B3GAT2: variants seen among roughly 807,000 people sequenced by gnomAD.
B3GAT2 encodes beta-1,3-glucuronyltransferase 2, also known as galactosylgalactosylxylosylprotein 3-beta-glucuronosyltransferase 2.
B3GAT2 carries 26 observed loss-of-function variants against 27.8 expected under a neutral mutation model. The observed-to-expected ratio is 0.93, with a 90% CI of 0.68 to 1.30. The LOEUF (loss-of-function observed/expected upper bound fraction) is 1.30. Ranked by LOEUF, B3GAT2 falls within the 50% of genes most tolerant of loss-of-function variation. B3GAT2 has a pLI of 0.00. For synonymous variants in B3GAT2, 218 were observed against 195.1 expected (o/e 1.12, Z -0.98); for missense variants, 458 against 459.0 (o/e 1.00, Z 0.02).
intron 1 of B3GAT2, 87 bp downstream of exon 1, chr6:70,955,752 G>C (rs980891307): frequency 7.2e-7 from 1 of 1,386,666 alleles, no homozygotes. Context: ...AGTGCACCCG[G>C]AGTGCAAGGG....
Position 70,955,945 on chromosome 6 carries a change from G to A in B3GAT2, c.485C>T (p.Ala162Val), listed in dbSNP as rs1765647733. The change falls in exon 1 of 4, where the codon GCG becomes GTG. Residue 162 changes from alanine (A) to valine (V), a missense_variant. By Grantham distance (64) the Ala-to-Val change is moderately conservative (BLOSUM62 0). Coordinates refer to ENST00000230053, the MANE Select transcript of B3GAT2 (RefSeq NM_080742.3). ...CCTCTGGCGCAGCCAGGCGAGGCCC[G>A]CGTTGCGCTGCTCAGTGGCGCGCGG... ...GLPRATEQRNAGLAWLRQRHQ... is the reference protein window; with the variant it reads ...GLPRATEQRNVGLAWLRQRHQ... The A allele has an allele frequency of 1.3e-6, 2 of 1,572,122 alleles. No individual in the cohort carries two copies. The highest frequency in any genetic ancestry group is 1.7e-6 in the Non-Finnish European group (2 of 1,161,380).
At chr6:70,951,726 A>T (rs1765580778) in intron 1 of B3GAT2, among the ~76,000 whole-genome samples, 1 of 152,208 alleles carries the variant, frequency 6.6e-6, no homozygotes, top group Non-Finnish European at 1.5e-5. Context: ...CCTAACATTT[A>T]TAGCCTAAGA....
At position 70,901,844 on chromosome 6, in the gene B3GAT2, A is replaced by C. The variant is rs535195957; in HGVS notation, c.592-7572T>G. ...TGGAGGCAGTATTGTTCTATGTATG[A>C]AAACAGGGAATGTTCCTAAATATTT... is the stretch of plus-strand genomic sequence containing the variant. On this transcript the variant is annotated intron_variant, in intron 1 of 3. Coordinates refer to ENST00000230053, the MANE Select transcript of B3GAT2 (RefSeq NM_080742.3). Among the ~76,000 whole-genome samples, 13 of 152,306 alleles carry C rather than the reference A, an allele frequency of 8.5e-5. No individual in the cohort carries two copies. In the South Asian group the frequency reaches 2.7e-3, roughly 32 times the overall value.
intron 2 of B3GAT2, among the ~76,000 whole-genome samples, chr6:70,874,067 T>C: frequency 6.6e-6 from 1 of 152,184 alleles, no homozygotes; most frequent in East Asian, 1.9e-4. Flanking sequence ...TCAGGGACAG[T>C]TTCTATCAAC....
chr6:70,951,060 C>A (rs1765571961), intron 1 of B3GAT2, among the ~76,000 whole-genome samples: 1 of 151,988 alleles, frequency 6.6e-6, no homozygotes, highest in African/African-American at 2.4e-5. Context: ...AATTTGAGCT[C>A]CATGCAAAAC....
At chr6:70,945,323 G>GA (rs1765462427) in intron 1 of B3GAT2, among the ~76,000 whole-genome samples, 1 of 152,056 alleles carries the variant, frequency 6.6e-6, no homozygotes, top group African/African-American at 2.4e-5. Context: ...TAAAAACTTT[G>GA]AAAAAAATTT....
intron 1 of B3GAT2, among the ~76,000 whole-genome samples, chr6:70,919,457 T>C (rs144454593): frequency 6.6e-6 from 1 of 152,352 alleles, no homozygotes; most frequent in African/African-American, 2.4e-5. Flanking sequence ...GGCGAGGAGT[T>C]GTGATCCTTG....
chr6:70,936,321 A>G (rs1369373368), intron 1 of B3GAT2, among the ~76,000 whole-genome samples: 1 of 152,046 alleles, frequency 6.6e-6, no homozygotes, highest in Non-Finnish European at 1.5e-5. Flanking sequence ...TTAACACCCC[A>G]CTGTGAACAT....
At position 70,919,450 on chromosome 6, in the gene B3GAT2, G is replaced by A. The variant is rs1161272434; in HGVS notation, c.592-25178C>T. On this transcript the variant is annotated intron_variant, in intron 1 of 3. Transcript: ENST00000230053. The stretch of plus-strand genomic sequence containing the variant: ...TGTCCAGTTTTGTTCCCTTGCTGGC[G>A]AGGAGTTGTGATCCTTGGAGAAGAA... Among the ~76,000 whole-genome samples the A allele has an allele frequency of 6.6e-5, 10 of 152,288 alleles. No homozygotes were observed. In the East Asian group the frequency reaches 7.7e-4, roughly 12 times the overall value.
intron 2 of B3GAT2, among the ~76,000 whole-genome samples, chr6:70,883,938 G>A (rs1021128076): frequency 6.6e-6 from 1 of 151,754 alleles, no homozygotes; most frequent in Non-Finnish European, 1.5e-5. Flanking sequence ...TCTGTCATGA[G>A]GTTATCCCAC....
At chr6:70,937,130 G>A (rs1382479725) in intron 1 of B3GAT2, among the ~76,000 whole-genome samples, 7 of 152,110 alleles carry the variant, frequency 4.6e-5, no homozygotes, top group Non-Finnish European at 7.3e-5. Context: ...ACACCTCTAC[G>A]CAAATAAACT....
At chr6:70,886,933 C>T (rs760124958) in intron 2 of B3GAT2, among the ~76,000 whole-genome samples, 2 of 152,152 alleles carry the variant, frequency 1.3e-5, no homozygotes, top group African/African-American at 2.4e-5. Flanking sequence ...AGTCCTCTCC[C>T]GGTGACAATC....
At chr6:70,884,107 A>AC (rs1458507039) in intron 2 of B3GAT2, among the ~76,000 whole-genome samples, 1 of 144,122 alleles carries the variant, frequency 6.9e-6, no homozygotes, top group African/African-American at 2.7e-5. Flanking sequence ...AAAAAAAAAA[A>AC]AAAAAACAAA....
At chr6:70,935,996 T>C (rs1765270639) in intron 1 of B3GAT2, among the ~76,000 whole-genome samples, 1 of 151,402 alleles carries the variant, frequency 6.6e-6, no homozygotes, top group Non-Finnish European at 1.5e-5. Flanking sequence ...GTGTGCTGTA[T>C]TCAGGAAACC....
intron 1 of B3GAT2, among the ~76,000 whole-genome samples, chr6:70,952,564 G>A (rs1323811314): frequency 6.6e-6 from 1 of 152,140 alleles, no homozygotes; most frequent in Non-Finnish European, 1.5e-5. Flanking sequence ...TCCTTTGCAA[G>A]TAAGCTTTTC....
chr6:70,899,684 C>G (rs1386578288), intron 1 of B3GAT2, among the ~76,000 whole-genome samples: 1 of 152,178 alleles, frequency 6.6e-6, no homozygotes, highest in Non-Finnish European at 1.5e-5. Flanking sequence ...GACCACTATA[C>G]TATATAGAGT....
chr6:70,945,074 C>T (rs999750091), intron 1 of B3GAT2, among the ~76,000 whole-genome samples: 6 of 152,168 alleles, frequency 3.9e-5, no homozygotes. Context: ...CCCATCTGTA[C>T]ATCACCATCA....
In B3GAT2 at chr6:70,860,365, C is replaced by G. The variant is rs1428547529; in HGVS notation, c.*1298G>C. ...GCAATACAAGTTTCATCCAGAACTA[C>G]CACCTGACATTCCTTGCTGAAACGC... On this transcript the variant is annotated 3_prime_UTR_variant, in exon 4 of 4. Coordinates refer to ENST00000230053, the MANE Select transcript of B3GAT2 (RefSeq NM_080742.3). 1.0e-5 allele frequency: 16 copies of G among 1,585,462 alleles called. No individual in the cohort carries two copies. The highest frequency in any genetic ancestry group is 1.4e-5 in the African/African-American group (1 of 73,858).
At chr6:70,938,350 T>C (rs971486032) in intron 1 of B3GAT2, among the ~76,000 whole-genome samples, 5 of 148,326 alleles carry the variant, frequency 3.4e-5, no homozygotes, top group South Asian at 2.2e-4. Context: ...ATAGATTCAA[T>C]GCCATCCCCA....
Sources: gnomAD v4.1 joint callset for allele counts (sites outside exome capture counted in the v4.1 genomes callset) on GRCh38, gnomAD v4.1.1 for gene constraint, MANE v1.5 for transcripts, NCBI Gene and HGNC (gene_info 2026-07-23, HGNC 2026-07-21) for gene names.